The following DNAJB6 variants were observed in gnomAD, a reference collection of about 807,000 sequenced individuals.
DNAJB6 encodes the protein dnaJ homolog subfamily B member 6.
A neutral mutation model predicts 42.7 loss-of-function variants in DNAJB6; 16 were observed. The ratio of observed to expected loss-of-function variants is 0.37; its 90% CI spans 0.25 to 0.57. DNAJB6 has a LOEUF of 0.57. Ranked by LOEUF, DNAJB6 falls within the 20% of genes least tolerant of loss-of-function variation. The pLI is 0.74. For missense variants in DNAJB6, 347 were observed against 416.8 expected (o/e 0.83, Z 1.46); for synonymous variants, 170 against 163.5 (o/e 1.04, Z -0.30).
At chr7:157,375,235 C>T (rs368242458) in intron 5 of DNAJB6, among the ~76,000 whole-genome samples, 2 of 152,030 alleles carry the variant, frequency 1.3e-5, no homozygotes, top group Non-Finnish European at 2.9e-5. Flanking sequence ...CGGCCATCTG[C>T]GAGTAGGGCT....
intron 5 of DNAJB6, 52 bp downstream of exon 5, chr7:157,367,535 G>C: frequency 2.8e-6 from 3 of 1,088,482 alleles, no homozygotes; most frequent in Non-Finnish European, 2.9e-6. Context: ...CCAAATGAGG[G>C]CTTACTTAGT....
At chr7:157,413,804 C>A (rs113146827) in intron 9 of DNAJB6, 1 of 149,512 alleles carries the variant, frequency 6.7e-6, no homozygotes, top group Non-Finnish European at 1.5e-5. Context: ...CTCACTGCAA[C>A]CTCTGCCTCA....
chr7:157,383,265 C>T (rs1185430707), intron 6 of DNAJB6, among the ~76,000 whole-genome samples: 2 of 152,156 alleles, frequency 1.3e-5, no homozygotes, highest in Non-Finnish European at 2.9e-5. Flanking sequence ...CTTGGCCTCC[C>T]AAAGTGCTAG....
chr7:157,377,326 TAAA>T (rs879401675), intron 5 of DNAJB6, among the ~76,000 whole-genome samples: 1 of 152,116 alleles, frequency 6.6e-6, no homozygotes, highest in African/African-American at 2.4e-5. Flanking sequence ...TTGGGCAAGA[TAAA>T]AAATCAGAAC....
At chr7:157,364,315 C>CGTGG (rs1455591301) in intron 3 of DNAJB6, among the ~76,000 whole-genome samples, 2 of 152,018 alleles carry the variant, frequency 1.3e-5, no homozygotes, top group Non-Finnish European at 2.9e-5. Flanking sequence ...CTGTGGCCCA[C>CGTGG]CCCCTTTGTT....
At chr7:157,348,488 T>A (rs541316835) in intron 1 of DNAJB6, among the ~76,000 whole-genome samples, 3 of 152,194 alleles carry the variant, frequency 2.0e-5, no homozygotes, top group Non-Finnish European at 4.4e-5. Flanking sequence ...GTTGGTGAAG[T>A]TTTCTTGCCT....
chr7:157,382,234 G>A lies in DNAJB6; in HGVS notation c.347-12G>A. 1 of 1,583,494 alleles carries A rather than the reference G, an allele frequency of 6.3e-7. No homozygotes were observed. Among genetic ancestry groups the A allele is most frequent in the Non-Finnish European group, 8.5e-7 (1 of 1,171,210 alleles). On this transcript the variant is annotated splice_polypyrimidine_tract_variant and intron_variant, in intron 5 of 9. Transcript: ENST00000262177. Reference sequence around the variant, plus strand: ...AAAAGACTTCATAGTGTGTGTTTATGTTTGATTTTAGAAGACCCTTTTGAG... The same window carrying A: ...AAAAGACTTCATAGTGTGTGTTTATATTTGATTTTAGAAGACCCTTTTGAG...
At chr7:157,360,661 G>C (rs1245904133) in intron 2 of DNAJB6, among the ~76,000 whole-genome samples, 1 of 152,188 alleles carries the variant, frequency 6.6e-6, no homozygotes, top group Non-Finnish European at 1.5e-5. Flanking sequence ...TATAAATGCT[G>C]ACTTTTAAAA....
At position 157,416,004 on chromosome 7, in the gene DNAJB6, G is replaced by T. The variant is rs779492467; in HGVS notation, c.899-12G>T. 8.7e-6 allele frequency: 14 copies of T among 1,614,064 alleles called. No individual in the cohort carries two copies. The highest frequency in any genetic ancestry group is 1.2e-5 in the Non-Finnish European group (14 of 1,180,038). ...TGTTCCGTACAGTGTTTTACAAGCC[G>T]TGTTTCCTTAGGATTGAAAGAAGGT... On this transcript the variant is annotated splice_polypyrimidine_tract_variant and intron_variant, in intron 9 of 9. Coordinates refer to ENST00000262177, the MANE Select transcript of DNAJB6 (RefSeq NM_058246.4).
chr7:157,382,913 T>A (rs1276820049), intron 6 of DNAJB6, among the ~76,000 whole-genome samples: 1 of 152,176 alleles, frequency 6.6e-6, no homozygotes, highest in Non-Finnish European at 1.5e-5. Flanking sequence ...TATGCATATA[T>A]CATGATATGC....
intron 3 of DNAJB6, among the ~76,000 whole-genome samples, chr7:157,365,575 A>G (rs1026140129): frequency 1.3e-5 from 2 of 152,214 alleles, no homozygotes; most frequent in Non-Finnish European, 2.9e-5. Flanking sequence ...TGTGGTTGCA[A>G]TAATCTTGTA....
At chr7:157,411,032 C>G (rs1250243568) in intron 9 of DNAJB6, 1 of 152,204 alleles carries the variant, frequency 6.6e-6, no homozygotes, top group Admixed American at 6.5e-5. Flanking sequence ...GGCAGCCCCT[C>G]CAGCCGGCCG....
At chr7:157,411,361 G>GC (rs1795969045) in intron 9 of DNAJB6, 2 of 108,208 alleles carry the variant, frequency 1.8e-5, no homozygotes, top group South Asian at 3.1e-4. Context: ...CGTGGGGAAG[G>GC]TTCCCAGGAT....
At chr7:157,349,730 C>T (rs1365692821) in intron 1 of DNAJB6, among the ~76,000 whole-genome samples, 3 of 152,246 alleles carry the variant, frequency 2.0e-5, no homozygotes, top group African/African-American at 4.8e-5. Flanking sequence ...CTGCAACCTC[C>T]GCCTCCCGGG....
At chr7:157,353,373 C>G (rs1050834578) in intron 1 of DNAJB6, among the ~76,000 whole-genome samples, 3 of 152,142 alleles carry the variant, frequency 2.0e-5, no homozygotes, top group African/African-American at 7.2e-5. Flanking sequence ...TTCCCTTAAT[C>G]TTTCTGTAAC....
intron 1 of DNAJB6, among the ~76,000 whole-genome samples, chr7:157,351,410 A>C (rs1404330175): frequency 6.6e-6 from 1 of 151,598 alleles, no homozygotes; most frequent in Admixed American, 6.6e-5. Context: ...GGGCGGATCT[A>C]CAAGGTCAGG....
At chr7:157,351,847 A>C (rs1034887848) in intron 1 of DNAJB6, among the ~76,000 whole-genome samples, 2 of 149,338 alleles carry the variant, frequency 1.3e-5, no homozygotes, top group Admixed American at 6.7e-5. Context: ...ACAAAAAATT[A>C]GTCGGTGTGG....
At chr7:157,396,576 T>G (rs73505234) in intron 8 of DNAJB6, among the ~76,000 whole-genome samples, 6,838 of 152,166 alleles carry the variant, frequency 0.045, 196 homozygotes, top group African/African-American at 0.089. Flanking sequence ...GCCCTGTGGG[T>G]TGAGGCTGCA....
chr7:157,375,180 G>A (rs940647600), intron 5 of DNAJB6, among the ~76,000 whole-genome samples: 12 of 152,168 alleles, frequency 7.9e-5, no homozygotes, highest in African/African-American at 2.7e-4. Context: ...TGATAGTGTA[G>A]GGGGACAGTG....
Sources: allele counts gnomAD v4.1 joint callset (sites outside exome capture counted in the v4.1 genomes callset), GRCh38; gene constraint gnomAD v4.1.1; transcripts MANE v1.5; gene names NCBI Gene and HGNC (gene_info 2026-07-23, HGNC 2026-07-21).